PCDH15: variants seen among roughly 807,000 people sequenced by gnomAD.
The protein encoded by PCDH15 is protocadherin related 15, also known as protocadherin-15.
PCDH15 carries 129 observed loss-of-function variants against 178.5 expected under a neutral mutation model. The ratio of observed to expected loss-of-function variants is 0.72; its 90% confidence interval spans 0.63 to 0.84. The LOEUF is 0.84. Among genes scored for constraint, PCDH15 ranks in the 40% least tolerant of loss-of-function variants. The pLI, the probability that PCDH15 is intolerant of heterozygous loss-of-function variation, is 0.00. For synonymous variants in PCDH15, 800 were observed against 732.0 expected, an observed-to-expected ratio of 1.09 and a Z score of -1.50; for missense variants, 2,230 against 2,099.9, an observed-to-expected ratio of 1.06 and a Z score of -1.21.
At chr10:55,307,360 G>C (rs1470915107) in intron 1 of PCDH15, among the ~76,000 whole-genome samples, 1 of 151,628 alleles carries the variant, frequency 6.6e-6, no homozygotes, top group Non-Finnish European at 1.5e-5. Context: ...AAAATTAGCC[G>C]GGCATGGTGG....
At chr10:55,424,201 A>G (rs1838694557) in intron 2 of PCDH15, among the ~76,000 whole-genome samples, 2 of 152,106 alleles carry the variant, frequency 1.3e-5, no homozygotes, top group South Asian at 4.1e-4. Flanking sequence ...GATACACACA[A>G]TTATTTTGGG....
chr10:54,028,107 C>T (rs1340873942), intron 18 of PCDH15, among the ~76,000 whole-genome samples: 1 of 150,276 alleles, frequency 6.7e-6, no homozygotes, highest in African/African-American at 2.4e-5. Flanking sequence ...AACAAACAAC[C>T]CCATCAAAAA....
At chr10:54,368,997 T>A (rs1001932186) in intron 5 of PCDH15, 123 bp downstream of exon 5, 14 of 1,108,776 alleles carry the variant, frequency 1.3e-5, no homozygotes, top group Non-Finnish European at 1.7e-5. Context: ...TTTTTAATGT[T>A]TTCTTGATAT....
intron 20 of PCDH15, among the ~76,000 whole-genome samples, chr10:54,003,757 A>T (rs981344944): frequency 6.6e-6 from 1 of 150,404 alleles, no homozygotes; most frequent in Non-Finnish European, 1.5e-5. Flanking sequence ...AAAAAAAAAA[A>T]AAAACAGGAG....
chr10:54,494,174 C>T (rs1372321367), intron 3 of PCDH15, among the ~76,000 whole-genome samples: 1 of 151,660 alleles, frequency 6.6e-6, no homozygotes, highest in Non-Finnish European at 1.5e-5. Flanking sequence ...CAGCATGGCA[C>T]ATGTATACAT....
At chr10:54,339,598 C>A (rs1211362965) in intron 6 of PCDH15, among the ~76,000 whole-genome samples, 1 of 152,152 alleles carries the variant, frequency 6.6e-6, no homozygotes, top group African/African-American at 2.4e-5. Flanking sequence ...TTCTTCTGAA[C>A]AATAGTGCAG....
intron 3 of PCDH15, among the ~76,000 whole-genome samples, chr10:54,424,508 G>T (rs1235201688): frequency 1.3e-5 from 2 of 150,694 alleles, no homozygotes; most frequent in East Asian, 3.9e-4. Context: ...CCCATTACTG[G>T]GTATACACCC....
chr10:55,411,271 G>A (rs1020032844), intron 2 of PCDH15, among the ~76,000 whole-genome samples: 1 of 151,846 alleles, frequency 6.6e-6, no homozygotes, highest in Non-Finnish European at 1.5e-5. Context: ...TTAAATCAAA[G>A]AAAATGACAT....
At chr10:54,409,545 T>C (rs1953175481) in intron 3 of PCDH15, among the ~76,000 whole-genome samples, 1 of 152,168 alleles carries the variant, frequency 6.6e-6, no homozygotes, top group South Asian at 2.1e-4. Context: ...TGGTCTTTAC[T>C]GTGTACATTA....
chr10:54,425,015 A>G (rs891148336), intron 3 of PCDH15, among the ~76,000 whole-genome samples: 4 of 149,450 alleles, frequency 2.7e-5, no homozygotes, highest in African/African-American at 1.0e-4. Context: ...TAATAAAAAA[A>G]AAAAAAAAAG....
chr10:55,542,294 T>A (rs953181278), intron 2 of PCDH15, among the ~76,000 whole-genome samples: 7 of 151,142 alleles, frequency 4.6e-5, no homozygotes, highest in Admixed American at 1.3e-4. Context: ...TATGGACATA[T>A]GTACAATATG....
intron 3 of PCDH15, among the ~76,000 whole-genome samples, chr10:54,879,128 T>C (rs1954210298): frequency 6.6e-6 from 1 of 152,046 alleles, no homozygotes; most frequent in East Asian, 1.9e-4. Flanking sequence ...TGTAGCTAGT[T>C]TAAACAACTT....
At chr10:53,994,917 T>C (rs946874407) in intron 21 of PCDH15, 3 of 152,096 alleles carry the variant, frequency 2.0e-5, no homozygotes, top group Non-Finnish European at 2.9e-5. Flanking sequence ...ATTTTCTTAC[T>C]CTTCTAAAAT....
intron 5 of PCDH15, among the ~76,000 whole-genome samples, chr10:54,367,038 T>C (rs1946918783): frequency 6.6e-6 from 1 of 152,148 alleles, no homozygotes; most frequent in African/African-American, 2.4e-5. Flanking sequence ...CATGTAAATA[T>C]TGATTATTTC....
intron 2 of PCDH15, among the ~76,000 whole-genome samples, chr10:54,999,176 A>G (rs1839729109): frequency 6.6e-6 from 1 of 152,116 alleles, no homozygotes; most frequent in South Asian, 2.1e-4. Flanking sequence ...AAAAGTCCCT[A>G]AGTTACCTTT....
At chr10:55,045,220 C>T (rs967300517) in intron 2 of PCDH15, among the ~76,000 whole-genome samples, 1 of 152,058 alleles carries the variant, frequency 6.6e-6, no homozygotes, top group Admixed American at 6.6e-5. Context: ...CTGATCTTTA[C>T]ATTTCCTTTG....
chr10:53,806,868 T>C lies in PCDH15; in HGVS notation c.4934A>G (p.His1645Arg), dbSNP rs1243034070. 3 of 1,613,906 alleles carry C rather than the reference T, an allele frequency of 1.9e-6. No individual in the cohort carries two copies. The highest frequency in any genetic ancestry group is 2.5e-6 in the Non-Finnish European group (3 of 1,179,834). Reference sequence around the variant, plus strand: ...TGTGTTCAGAGGTACATTCTCCTCATGTGTCACTGCCAACTTGTCTAGTTT... The same window carrying C: ...TGTGTTCAGAGGTACATTCTCCTCACGTGTCACTGCCAACTTGTCTAGTTT... ...FKKLDKLAVT[H>R]EENVPLNTLS... Residue 1645 changes from histidine to arginine, a missense_variant, in exon 38 of 38, where the codon CAT becomes CGT. Transcript: ENST00000644397.
At chr10:55,160,195 T>G (rs1184275537) in intron 2 of PCDH15, among the ~76,000 whole-genome samples, 1 of 152,006 alleles carries the variant, frequency 6.6e-6, no homozygotes, top group Non-Finnish European at 1.5e-5. Context: ...GAGGAAAGCT[T>G]TCGTACAGAT....
intron 2 of PCDH15, among the ~76,000 whole-genome samples, chr10:55,411,408 C>A (rs1182559412): frequency 1.3e-5 from 2 of 151,954 alleles, no homozygotes; most frequent in Non-Finnish European, 2.9e-5. Context: ...TACCATGTTT[C>A]TTTTAGTAAT....
Sources: allele counts gnomAD v4.1 joint callset (sites outside exome capture counted in the v4.1 genomes callset), GRCh38; gene constraint gnomAD v4.1.1; transcripts MANE v1.5; gene names NCBI Gene and HGNC (gene_info 2026-07-23, HGNC 2026-07-21).